The following GK3 variants were observed in gnomAD, a reference collection of about 807,000 sequenced individuals.
GK3 encodes the protein glycerol kinase 3, also known as glycerol kinase 3 pseudogene.
the GK3 span, chr4:165,278,021 A>T: frequency 6.8e-7 from 1 of 1,477,080 alleles, no homozygotes. Context: ...TCCGATTAAC[A>T]TTGCCATGCT....
At chr4:165,278,336 A>G in the GK3 span, 10 of 1,122,584 alleles carry the variant, frequency 8.9e-6, no homozygotes, top group Admixed American at 1.7e-4. Context: ...GTCTGCTTGT[A>G]GCTGCATAAG....
At chr4:165,277,850 AG>A in the GK3 span, 1 of 764,378 alleles carries the variant, frequency 1.3e-6, no homozygotes, top group Non-Finnish European at 2.4e-6. Flanking sequence ...GTCTACTTGG[AG>A]GGTCACGCAG....
the GK3 span, chr4:165,279,113 A>G: frequency 2.8e-5 from 44 of 1,594,502 alleles, no homozygotes; most frequent in Admixed American, 1.2e-4. Flanking sequence ...CCATGAATCA[A>G]TAGTCCCAAA....
At chr4:165,278,207 G>A in the GK3 span, 1 of 1,238,194 alleles carries the variant, frequency 8.1e-7, no homozygotes, top group Non-Finnish European at 1.2e-6. Context: ...CGTGACGGCG[G>A]ACAAATCCTC....
chr4:165,279,132 G>A, the GK3 span: 36 of 1,601,940 alleles, frequency 2.2e-5, no homozygotes, highest in Admixed American at 5.0e-5. Context: ...AAAAGAGCTC[G>A]TTTTTCTTCA....
chr4:165,278,342 A>T, the GK3 span: 1 of 1,150,240 alleles, frequency 8.7e-7, no homozygotes, highest in Non-Finnish European at 1.3e-6. Context: ...TTGTAGCTGC[A>T]TAAGAATTTT....
chr4:165,277,963 G>A, the GK3 span: 1 of 1,074,744 alleles, frequency 9.3e-7, no homozygotes, highest in Non-Finnish European at 1.5e-6. Context: ...CGCATCTTGG[G>A]AATCCATGAG....
the GK3 span, chr4:165,278,442 A>G: frequency 1.3e-6 from 2 of 1,516,634 alleles, no homozygotes; most frequent in Non-Finnish European, 1.8e-6. Flanking sequence ...CGAGTTTGGA[A>G]ACAAACAGCT....
At chr4:165,278,328 C>T in the GK3 span, 16 of 1,105,864 alleles carry the variant, frequency 1.4e-5, no homozygotes, top group Non-Finnish European at 2.2e-5. Context: ...TACAGAATGT[C>T]TGCTTGTAGC....
the GK3 span, chr4:165,279,624 C>T: frequency 6.2e-7 from 1 of 1,611,604 alleles, no homozygotes; most frequent in Non-Finnish European, 8.5e-7. Context: ...GGCCCCAAAA[C>T]TGCCTTCTTT....
At chr4:165,278,538 G>T in the GK3 span, 1 of 1,609,982 alleles carries the variant, frequency 6.2e-7, no homozygotes, top group Non-Finnish European at 8.5e-7. Context: ...TCCCAATAAG[G>T]TGCATATAAC....
chr4:165,278,755 A>T, the GK3 span: 2 of 1,580,832 alleles, frequency 1.3e-6, no homozygotes, highest in South Asian at 1.1e-5. Flanking sequence ...GAAGGCCATG[A>T]TCAGAAAATA....
chr4:165,278,114 A>C, the GK3 span: 2 of 1,555,730 alleles, frequency 1.3e-6, no homozygotes, highest in Non-Finnish European at 1.8e-6. Flanking sequence ...AACCCAACCC[A>C]TTGACTTCAT....
At chr4:165,278,432 C>A in the GK3 span, 1,494 of 1,487,022 alleles carry the variant, frequency 1.0e-3, 3 homozygotes, top group Non-Finnish European at 1.3e-3. Flanking sequence ...CAAAATCTCT[C>A]GAGTTTGGAA....
At chr4:165,279,102 G>A in the GK3 span, 3 of 1,582,872 alleles carry the variant, frequency 1.9e-6, no homozygotes, top group African/African-American at 1.3e-5. Context: ...CTCCAAATAA[G>A]CCATGAATCA....
At chr4:165,279,603 C>T in the GK3 span, 1 of 1,610,406 alleles carries the variant, frequency 6.2e-7, no homozygotes, top group South Asian at 1.1e-5. Flanking sequence ...TGGTCCACTG[C>T]CCCCACCAAT....
the GK3 span, chr4:165,279,443 A>G: frequency 1.1e-5 from 17 of 1,600,496 alleles, no homozygotes; most frequent in South Asian, 7.7e-5. Flanking sequence ...TGTTTTCTCT[A>G]TACACTCATA....
chr4:165,278,064 A>G, the GK3 span: 1 of 1,535,882 alleles, frequency 6.5e-7, no homozygotes. Flanking sequence ...GGCAGACTAC[A>G]GAAGACACTA....
chr4:165,279,497 T>C, the GK3 span: 2 of 1,574,334 alleles, frequency 1.3e-6, no homozygotes, highest in African/African-American at 2.7e-5. Flanking sequence ...CACCCATCCT[T>C]CTCTTGGGAA....
Sources: allele counts gnomAD v4.1 joint callset, GRCh38; gene constraint gnomAD v4.1.1; transcripts MANE v1.5; gene names NCBI Gene and HGNC (gene_info 2026-07-23, HGNC 2026-07-21).